Variants in WDR33 observed in about 807,000 individuals in gnomAD.
WDR33 encodes pre-mRNA 3' end processing protein WDR33.
In WDR33, 47 loss-of-function variants were observed where a neutral mutation model predicts 164.9. That is an observed-to-expected ratio of 0.29 (90% CI 0.23 to 0.36). The LOEUF (loss-of-function observed/expected upper bound fraction) is 0.36, where lower values mean the gene tolerates loss of function less well. Among genes scored for constraint, WDR33 ranks in the 10% least tolerant of loss-of-function variants. The probability of loss-of-function intolerance (pLI) is 1.00; values close to 1 mark genes in which losing one functional copy is unlikely to be tolerated. For missense variants in WDR33, 1,137 were observed against 1,754.1 expected, an observed-to-expected ratio of 0.65 and a Z score of 6.28; for synonymous variants, 505 against 589.0, an observed-to-expected ratio of 0.86 and a Z score of 2.06.
intron 1 of WDR33, among the ~76,000 whole-genome samples, chr2:127,780,438 C>G (rs1227844301): frequency 6.6e-6 from 1 of 152,026 alleles, no homozygotes; most frequent in East Asian, 1.9e-4. Flanking sequence ...GCAGGCTAGA[C>G]CAGTAACAAA....
chr2:127,787,455 C>A (rs1253031472), intron 1 of WDR33, among the ~76,000 whole-genome samples: 18 of 136,432 alleles, frequency 1.3e-4, no homozygotes, highest in Non-Finnish European at 2.7e-4. Flanking sequence ...CGCCCCTCAC[C>A]TCCCGGACGG....
At chr2:127,789,733 G>A (rs1688777263) in intron 1 of WDR33, among the ~76,000 whole-genome samples, 1 of 150,676 alleles carries the variant, frequency 6.6e-6, no homozygotes, top group Non-Finnish European at 1.5e-5. Context: ...CAAACTTTAG[G>A]GAGGAGGCAT....
chr2:127,745,779 A>C (rs1322856615), intron 7 of WDR33, among the ~76,000 whole-genome samples: 4 of 152,182 alleles, frequency 2.6e-5, no homozygotes, highest in Admixed American at 2.0e-4. Flanking sequence ...GGTATGTCTT[A>C]CACTCATCCA....
chr2:127,715,861 G>C (rs1414411155), intron 17 of WDR33, among the ~76,000 whole-genome samples: 2 of 152,206 alleles, frequency 1.3e-5, no homozygotes, highest in Admixed American at 6.5e-5. Flanking sequence ...TATTCCAGTA[G>C]GGGATGGCAG....
rs1238600470 is a variant in WDR33 at position 127,770,074 on chromosome 2, A to T, written c.204+704T>A. Reference sequence around the variant, plus strand: ...GAAGTGGGAGAATCCATGTTCTCCAAGCCAGTGTCTCACAAAAATATTCCT... The same window carrying T: ...GAAGTGGGAGAATCCATGTTCTCCATGCCAGTGTCTCACAAAAATATTCCT... On this transcript the variant is annotated intron_variant, in intron 2 of 21. Transcript: ENST00000322313. This position sits in a 1 kb window ranked among gnomAD's most constrained non-coding sequence, Gnocchi z 4.9. Among the ~76,000 whole-genome samples, 1 of 152,228 alleles carries T rather than the reference A, an allele frequency of 6.6e-6. No homozygotes were observed. Among genetic ancestry groups the T allele is most frequent in the Non-Finnish European group, 1.5e-5 (1 of 68,042 alleles).
chr2:127,791,657 T>C (rs905588868), intron 1 of WDR33, among the ~76,000 whole-genome samples: 8 of 152,208 alleles, frequency 5.3e-5, no homozygotes, highest in African/African-American at 1.9e-4. Flanking sequence ...CTTCAGCATA[T>C]AAATATAAGG....
Position 127,719,934 on chromosome 2 carries a change from ACCTTGTGGTCCAGGTGGC to A in WDR33, c.2073_2090del (p.Pro692_Gly697del). 6.2e-7 allele frequency: 1 copy of A among 1,613,828 alleles called. No homozygotes were observed. The highest frequency in any genetic ancestry group is 8.5e-7 in the Non-Finnish European group (1 of 1,179,958). On this transcript the variant is annotated inframe_deletion, in exon 16 of 22. Transcript: ENST00000322313. The surrounding 1 kb of genome is among the most constrained non-coding windows in gnomAD (Gnocchi z 6.5). ...CCATATGACCTTGAGGACCAGAACT[ACCTTGTGGTCCAGGTGGC>A]CCTTGAGGTCCCAAAGGGCCATGAG...
At position 127,741,860 on chromosome 2, in the gene WDR33, A is replaced by G. The variant is rs1687025325; in HGVS notation, c.725-15083T>C. Among the ~76,000 whole-genome samples the G allele has an allele frequency of 6.7e-6, 1 of 148,658 alleles. No homozygotes were observed. Among genetic ancestry groups the G allele is most frequent in the Admixed American group, 6.8e-5 (1 of 14,770 alleles). On this transcript the variant is annotated intron_variant, in intron 7 of 21. Coordinates refer to ENST00000322313, the MANE Select transcript of WDR33 (RefSeq NM_018383.5). The surrounding 1 kb of genome is among the most constrained non-coding windows in gnomAD (Gnocchi z 4.1). ...GGCTTCCTTGAAAAATGAAAAGATT[A>G]GAGAACCACTAGAAATTCTTGAAAA... is the stretch of plus-strand genomic sequence containing the variant.
At position 127,703,843 on chromosome 2, in the gene WDR33, G is replaced by C. The variant is rs1197593378; in HGVS notation, c.*2480C>G. The C allele has an allele frequency of 6.0e-6, 1 of 166,636 alleles. No individual in the cohort carries two copies. Among genetic ancestry groups the C allele is most frequent in the Admixed American group, 6.6e-5 (1 of 15,266 alleles). 10.3% of individuals were successfully genotyped at this position (166,636 alleles called of 1,614,324 possible). On this transcript the variant is annotated 3_prime_UTR_variant, in exon 22 of 22. Coordinates refer to ENST00000322313, the MANE Select transcript of WDR33 (RefSeq NM_018383.5). ...AAACTTAAAAATTCAACATTTCTCA[G>C]CTGGTGGCTCACACCTGTAATCCCA...
chr2:127,769,526 C>A (rs1687930418), intron 2 of WDR33, among the ~76,000 whole-genome samples: 1 of 152,178 alleles, frequency 6.6e-6, no homozygotes, highest in South Asian at 2.1e-4. Flanking sequence ...CCAACACAGT[C>A]TCCCTGATGC....
At chr2:127,737,879 G>A (rs1686895485) in intron 7 of WDR33, 2 of 1,455,080 alleles carry the variant, frequency 1.4e-6, no homozygotes, top group Non-Finnish European at 9.1e-7. Flanking sequence ...AAGTAGAAGA[G>A]TAGTTAACCC....
In WDR33 at chr2:127,726,582, T is replaced by C. The variant is rs1686578190; in HGVS notation, c.851+69A>G. ...AGAAATACATAAGAGAAAACAAAGC[T>C]AAAAGTTAAAGGACACACTGCTTTG... is the stretch of plus-strand genomic sequence containing the variant. On this transcript the variant is annotated intron_variant, in intron 8 of 21. Transcript: ENST00000322313. The surrounding 1 kb of genome is among the most constrained non-coding windows in gnomAD (Gnocchi z 4.8). 1 of 1,565,616 alleles carries C rather than the reference T, an allele frequency of 6.4e-7. No homozygotes were observed. Among genetic ancestry groups the C allele is most frequent in the African/African-American group, 1.4e-5 (1 of 73,036 alleles).
chr2:127,723,755 T>G lies in WDR33; in HGVS notation c.1197-408A>C, dbSNP rs1273402915. On this transcript the variant is annotated intron_variant, in intron 11 of 21. Coordinates refer to ENST00000322313, the MANE Select transcript of WDR33 (RefSeq NM_018383.5). The surrounding 1 kb of genome is among the most constrained non-coding windows in gnomAD (Gnocchi z 5.9). Reference sequence around the variant, plus strand: ...TAGTCTCGGTGACAGAGTGAGACTCTGTCTCTTAAAATAATAATAAAAATA... The same window carrying G: ...TAGTCTCGGTGACAGAGTGAGACTCGGTCTCTTAAAATAATAATAAAAATA... Among the ~76,000 whole-genome samples, 1 of 150,944 alleles carries G rather than the reference T, an allele frequency of 6.6e-6. No individual in the cohort carries two copies. Among genetic ancestry groups the G allele is most frequent in the Non-Finnish European group, 1.5e-5 (1 of 67,798 alleles).
intron 1 of WDR33, among the ~76,000 whole-genome samples, chr2:127,780,389 C>A (rs947416631): frequency 6.6e-6 from 1 of 152,024 alleles, no homozygotes. Flanking sequence ...AATTTGATAC[C>A]CAATCTGTCA....
At chr2:127,809,119 T>A (rs1689546916) in intron 1 of WDR33, among the ~76,000 whole-genome samples, 1 of 152,036 alleles carries the variant, frequency 6.6e-6, no homozygotes, top group African/African-American at 2.4e-5. Context: ...TCATAAAGCT[T>A]TTCTGTAACC....
At chr2:127,750,701 T>TGTATAC (rs1558936942) in intron 7 of WDR33, among the ~76,000 whole-genome samples, 4 of 55,944 alleles carry the variant, frequency 7.2e-5, no homozygotes, top group African/African-American at 4.1e-4. Context: ...TATATATATA[T>TGTATAC]ATATATATAT....
In WDR33 at chr2:127,708,811, C is replaced by A. The variant is rs375979499; in HGVS notation, c.3647G>T (p.Arg1216Leu). The A allele has an allele frequency of 4.3e-6, 7 of 1,613,146 alleles. No individual in the cohort carries two copies. The highest frequency in any genetic ancestry group is 5.9e-6 in the Non-Finnish European group (7 of 1,179,464). The change falls in exon 21 of 22, where the codon CGC (arginine) becomes CTC (leucine). Residue 1216 changes from arginine (R) to leucine (L), a missense_variant. Around this residue, in one of 9 missense-constraint regions of WDR33, gnomAD observed 867 missense variants for 1,073.0 expected, o/e 0.81. Coordinates refer to ENST00000322313, the MANE Select transcript of WDR33 (RefSeq NM_018383.5). The surrounding 1 kb of genome is among the most constrained non-coding windows in gnomAD (Gnocchi z 6.7). ...HDGHSPASRE[R>L]SSSLQGMDMA... ...GTCCATGCCTTGGAGAGAAGAGGAG[C>A]GTTCTCTGCTGGCTGGGGAATGACC...
At chr2:127,784,469 G>C (rs530906595) in intron 1 of WDR33, among the ~76,000 whole-genome samples, 1 of 152,284 alleles carries the variant, frequency 6.6e-6, no homozygotes, top group African/African-American at 2.4e-5. Context: ...CCTGCAGCTT[G>C]ACCATGTAGG....
Position 127,701,367 on chromosome 2 carries a change from A to G in WDR33, c.*4956T>C, listed in dbSNP as rs1193115640. The G allele has an allele frequency of 5.0e-6, 3 of 600,252 alleles. No individual in the cohort carries two copies. The highest frequency in any genetic ancestry group is 7.2e-6 in the Non-Finnish European group (3 of 416,540). The allele number at this position is 600,252 out of a possible 1,614,324, so 37.2% of individuals were successfully genotyped here. ...ACCTGCGACCACGGTACTTGGGGACACCACAAAAGTCCGCAGAGCAGGCAC... is the reference window on the plus strand; with the variant it reads ...ACCTGCGACCACGGTACTTGGGGACGCCACAAAAGTCCGCAGAGCAGGCAC... On this transcript the variant is annotated 3_prime_UTR_variant, in exon 22 of 22. Coordinates refer to ENST00000322313, the MANE Select transcript of WDR33 (RefSeq NM_018383.5).
Sources: allele counts gnomAD v4.1 joint callset (sites outside exome capture counted in the v4.1 genomes callset), GRCh38; gene constraint gnomAD v4.1.1; regional missense constraint gnomAD v4.1.1; non-coding constraint Gnocchi (gnomAD v3.1); transcripts MANE v1.5; gene names NCBI Gene and HGNC (gene_info 2026-07-23, HGNC 2026-07-21).